ZNF749: variants seen among roughly 807,000 people sequenced by gnomAD.
ZNF749 encodes zinc finger protein 749.
In ZNF749, 8 loss-of-function variants were observed where a neutral mutation model predicts 7.3. The observed-to-expected ratio is 1.10, with a 90% confidence interval of 0.64 to 1.98. ZNF749 has a LOEUF of 1.98. Among genes scored for constraint, ZNF749 ranks in the 30% most tolerant of loss-of-function variants. The probability of loss-of-function intolerance (pLI) is 0.00; values close to 1 mark genes in which losing one functional copy is unlikely to be tolerated. For missense variants in ZNF749, 898 were observed against 932.4 expected (o/e 0.96, Z 0.48); for synonymous variants, 310 against 322.4 (o/e 0.96, Z 0.41).
At chr19:57,430,604 A>G (rs10408747), upstream of ZNF749, among the ~76,000 whole-genome samples, 7,631 of 152,268 alleles carry the variant, frequency 0.05, 585 homozygotes, top group African/African-American at 0.17. Flanking sequence ...CCTGGGTCCA[A>G]GGTTTACATC....
chr19:57,441,084 C>T (rs1158971134), intron 1 of ZNF749, among the ~76,000 whole-genome samples: 2 of 129,866 alleles, frequency 1.5e-5, no homozygotes, highest in Non-Finnish European at 3.1e-5. Context: ...CACTGCACTC[C>T]AGCCTGGGTG....
chr19:57,433,204 C>A (rs997064810), upstream of ZNF749, among the ~76,000 whole-genome samples: 8 of 151,878 alleles, frequency 5.3e-5, no homozygotes, highest in African/African-American at 1.7e-4. Context: ...TAGTGATGCA[C>A]TGACTTTCTC....
At position 57,445,117 on chromosome 19, in the gene ZNF749, A is replaced by G. The variant is rs1181155157; in HGVS notation, c.1969A>G (p.Ile657Val). 1.2e-6 allele frequency: 2 copies of G among 1,613,924 alleles called. No individual in the cohort carries two copies. Among genetic ancestry groups the G allele is most frequent in the Non-Finnish European group, 1.7e-6 (2 of 1,179,954 alleles). The change falls in exon 3 of 3, where the codon ATT (isoleucine) becomes GTT (valine). Residue 657 changes from isoleucine to valine, a missense_variant. By Grantham distance (29) the Ile-to-Val change is conservative (BLOSUM62 3). Coordinates refer to ENST00000334181, the MANE Select transcript of ZNF749 (RefSeq NM_001023561.4). ...TTTTAGAGATAGCTACAAACTCATTATTCATCAGAGAGTTCATACTGGAGA... is the reference window on the plus strand; with the variant it reads ...TTTTAGAGATAGCTACAAACTCATTGTTCATCAGAGAGTTCATACTGGAGA... ...KFFRDSYKLI[I>V]HQRVHTGEKP...
At position 57,435,451 on chromosome 19, in the gene ZNF749, T is replaced by G; in HGVS notation, c.-128T>G. ...AGCGGAAAAACGCGAGAAGCGGTGT[T>G]CCTTCTACACAGAGGCTAGAGTGCG... is the stretch of plus-strand genomic sequence containing the variant. On this transcript the variant is annotated 5_prime_UTR_variant, in exon 1 of 3. Transcript: ENST00000334181. The G allele has an allele frequency of 7.2e-7, 1 of 1,387,600 alleles. No individual in the cohort carries two copies. Among genetic ancestry groups the G allele is most frequent in the Non-Finnish European group, 9.9e-7 (1 of 1,009,148 alleles). 86.0% of individuals were successfully genotyped at this position (1,387,600 alleles called of 1,614,324 possible).
upstream of ZNF749, among the ~76,000 whole-genome samples, chr19:57,434,328 C>T (rs2088915018): frequency 6.6e-6 from 1 of 152,168 alleles, no homozygotes; most frequent in African/African-American, 2.4e-5. Context: ...AACTCCCAAC[C>T]TCAGGTGATC....
upstream of ZNF749, among the ~76,000 whole-genome samples, chr19:57,435,140 C>T (rs1019294694): frequency 7.2e-5 from 11 of 152,172 alleles, no homozygotes; most frequent in African/African-American, 2.7e-4. Context: ...AAGGTCCGCG[C>T]GCCCAGCATT....
chr19:57,432,594 GA>G (rs1396314687), upstream of ZNF749, among the ~76,000 whole-genome samples: 1 of 142,724 alleles, frequency 7.0e-6, no homozygotes, highest in Non-Finnish European at 1.5e-5. Flanking sequence ...AGGTGGGGGG[GA>G]CTAAACAGAG....
intron 1 of ZNF749, among the ~76,000 whole-genome samples, chr19:57,440,376 G>C (rs192114994): frequency 3.0e-4 from 46 of 151,980 alleles, no homozygotes; most frequent in African/African-American, 7.5e-4. Context: ...ATTGCAAAAG[G>C]GGGAGACAGC....
chr19:57,432,561 TAAAAA>T (rs750185614), upstream of ZNF749, among the ~76,000 whole-genome samples: 5 of 74,232 alleles, frequency 6.7e-5, no homozygotes, highest in African/African-American at 2.2e-4. Context: ...GACTCTGTCT[TAAAAA>T]AAAAAAAAAA....
Position 57,443,497 on chromosome 19 carries a change from G to A in ZNF749, c.349G>A (p.Glu117Lys). The A allele has an allele frequency of 6.2e-7, 1 of 1,614,200 alleles. No individual in the cohort carries two copies. The highest frequency in any genetic ancestry group is 8.5e-7 in the Non-Finnish European group (1 of 1,180,002). Residue 117 changes from glutamate (E) to lysine (K), a missense_variant, in exon 3 of 3, where the codon GAG (glutamate) becomes AAG (lysine). Coordinates refer to ENST00000334181, the MANE Select transcript of ZNF749 (RefSeq NM_001023561.4). ...GCAAGGGCTGTACACATGTGCAGCA[G>A]AGCATGACCTGCACCAAAAGGAGCA... ...PEQGLYTCAAEHDLHQKEQIR... is the reference protein window; with the variant it reads ...PEQGLYTCAAKHDLHQKEQIR...
In ZNF749 at chr19:57,444,138, G is replaced by A. The variant is rs758388230; in HGVS notation, c.990G>A (p.Lys330=). The A allele has an allele frequency of 1.9e-6, 3 of 1,613,532 alleles. No individual in the cohort carries two copies. The highest frequency in any genetic ancestry group is 3.3e-5 in the Admixed American group (2 of 59,950). The part of the protein sequence containing the change: ...HTGEQPYECN[K]CGKFFMYNSK... ...GAGAACAGCCCTATGAATGCAACAA[G>A]TGTGGGAAGTTTTTTATGTATAACT... Residue 330 remains lysine, a synonymous_variant, in exon 3 of 3, where the codon AAG becomes AAA. Transcript: ENST00000334181.
chr19:57,443,470 G>A lies in ZNF749; in HGVS notation c.322G>A (p.Glu108Lys), dbSNP rs532367277. The part of the protein sequence containing the change: ...HLAEHDGTHP[E>K]QGLYTCAAEH... Reference sequence around the variant, plus strand: ...GGCTGAGCACGATGGAACACACCCTGAGCAAGGGCTGTACACATGTGCAGC... The same window carrying A: ...GGCTGAGCACGATGGAACACACCCTAAGCAAGGGCTGTACACATGTGCAGC... The change falls in exon 3 of 3, where the codon GAG becomes AAG. Residue 108 changes from glutamate to lysine, a missense_variant. Coordinates refer to ENST00000334181, the MANE Select transcript of ZNF749 (RefSeq NM_001023561.4). 2 of 1,614,230 alleles carry A rather than the reference G, an allele frequency of 1.2e-6. No homozygotes were observed. The highest frequency in any genetic ancestry group is 2.2e-5 in the East Asian group (1 of 44,890).
chr19:57,434,472 A>G (rs1160197102), upstream of ZNF749, among the ~76,000 whole-genome samples: 2 of 152,138 alleles, frequency 1.3e-5, no homozygotes, highest in African/African-American at 4.8e-5. Flanking sequence ...CCAATTGCCA[A>G]TCGGAAAATC....
chr19:57,443,788 C>T lies in ZNF749; in HGVS notation c.640C>T (p.His214Tyr), dbSNP rs748838152. 2 of 1,614,180 alleles carry T rather than the reference C, an allele frequency of 1.2e-6. No homozygotes were observed. The highest frequency in any genetic ancestry group is 1.7e-6 in the Non-Finnish European group (2 of 1,180,036). Residue 214 changes from histidine to tyrosine, a missense_variant, in exon 3 of 3, where the codon CAC becomes TAC. By Grantham distance (83) the His-to-Tyr change is moderately conservative. Transcript: ENST00000334181. ...DFCHQHGLFEHQKTHNGERPY... is the reference protein window; with the variant it reads ...DFCHQHGLFEYQKTHNGERPY... The stretch of plus-strand genomic sequence containing the variant: ...TTGCCACCAACATGGGCTGTTTGAG[C>T]ACCAAAAAACCCATAATGGGGAGAG...
chr19:57,435,745 G>A (rs1670406494), intron 1 of ZNF749, 152 bp downstream of exon 1: 1 of 1,408,576 alleles, frequency 7.1e-7, no homozygotes, highest in African/African-American at 1.4e-5. Context: ...CGATGAGGCG[G>A]GGGAGCTCCC....
At position 57,445,538 on chromosome 19, in the gene ZNF749, G is replaced by T; in HGVS notation, c.*53G>T. The T allele has an allele frequency of 6.5e-7, 1 of 1,542,946 alleles. No individual in the cohort carries two copies. Among genetic ancestry groups the T allele is most frequent in the Non-Finnish European group, 8.7e-7 (1 of 1,149,104 alleles). On this transcript the variant is annotated 3_prime_UTR_variant, in exon 3 of 3. Transcript: ENST00000334181. Reference sequence around the variant, plus strand: ...ACTGTCACCTCATTCAGCACCAAAAGGTTCACATCGGACCAAGAACCTATT... The same window carrying T: ...ACTGTCACCTCATTCAGCACCAAAATGTTCACATCGGACCAAGAACCTATT...
upstream of ZNF749, among the ~76,000 whole-genome samples, chr19:57,431,117 G>A (rs2088897148): frequency 6.6e-6 from 1 of 151,896 alleles, no homozygotes; most frequent in African/African-American, 2.4e-5. Context: ...AGCAACTAGA[G>A]GAATAGGAGG....
Position 57,442,099 on chromosome 19 carries a change from A to C in ZNF749, c.142+88A>C. ...GACAACTCTGTCTTTCCCACACCAG[A>C]TTGTGAGTGCTACGTCCTGTCCTCT... On this transcript the variant is annotated intron_variant, in intron 2 of 2. Transcript: ENST00000334181. This position sits in a 1 kb window ranked among gnomAD's most constrained non-coding sequence, Gnocchi z 6.6. 2 of 1,531,016 alleles carry C rather than the reference A, an allele frequency of 1.3e-6. No homozygotes were observed. Among genetic ancestry groups the C allele is most frequent in the South Asian group, 1.2e-5 (1 of 81,288 alleles). 94.8% of individuals were successfully genotyped at this position (1,531,016 alleles called of 1,614,324 possible).
intron 1 of ZNF749, 106 bp downstream of exon 1, chr19:57,435,699 T>G: frequency 6.6e-7 from 1 of 1,504,278 alleles, no homozygotes; most frequent in Admixed American, 2.1e-5. Context: ...GAGAGGGGCG[T>G]TCTTGTGTGG....
Sources: gnomAD v4.1 joint callset for allele counts (sites outside exome capture counted in the v4.1 genomes callset) on GRCh38, gnomAD v4.1.1 for gene constraint, Gnocchi (gnomAD v3.1) non-coding constraint, MANE v1.5 for transcripts, NCBI Gene and HGNC (gene_info 2026-07-23, HGNC 2026-07-21) for gene names.